The following SETD4 variants were observed in gnomAD, a reference collection of about 807,000 sequenced individuals.
SETD4 encodes the protein SET domain-containing protein 4.
Under a neutral mutation model 58.3 loss-of-function variants are expected in SETD4, and 46 were observed. The observed-to-expected ratio is 0.79, with a 90% CI of 0.62 to 1.01. The LOEUF (loss-of-function observed/expected upper bound fraction) is 1.01. SETD4 is among the 50% of genes least tolerant of loss of function. The probability of loss-of-function intolerance (pLI) is 0.00; values close to 1 mark genes in which losing one functional copy is unlikely to be tolerated. For synonymous variants in SETD4, 190 were observed against 202.6 expected, an observed-to-expected ratio of 0.94 and a Z score of 0.53; for missense variants, 490 against 523.3, an observed-to-expected ratio of 0.94 and a Z score of 0.62.
At chr21:36,048,067 G>GGGAGGGAAGGAGGGAA (rs1360025666) in intron 5 of SETD4, among the ~76,000 whole-genome samples, 71 of 144,842 alleles carry the variant, frequency 4.9e-4, no homozygotes, top group African/African-American at 1.8e-3. Context: ...GAGGGAGGGA[G>GGGAGGGAAGGAGGGAA]GGAGGGAAGG....
At position 36,053,501 on chromosome 21, in the gene SETD4, T is replaced by A. The variant is rs1242815952; in HGVS notation, c.207+82A>T. 3 of 1,407,650 alleles carry A rather than the reference T, an allele frequency of 2.1e-6. No individual in the cohort carries two copies. In the Admixed American group the frequency reaches 5.1e-5, roughly 24 times the overall value. The allele number at this position is 1,407,650 out of a possible 1,614,324, so 87.2% of individuals were successfully genotyped here. A position where few individuals can be genotyped will look rare whatever the true frequency, so the allele number is the denominator to read the frequency against. ...AAGAAATGACTGTATGTCTGAAATT[T>A]TTTTAATTCACTTCGTTTGAACCGC... On this transcript the variant is annotated intron_variant, in intron 4 of 11. Transcript: ENST00000332131.
In SETD4 at chr21:36,043,929, G is replaced by C. The variant is rs933495528; in HGVS notation, c.754C>G (p.His252Asp). 3.1e-6 allele frequency: 5 copies of C among 1,614,156 alleles called. No individual in the cohort carries two copies. The highest frequency in any genetic ancestry group is 3.3e-5 in the Admixed American group (2 of 60,010). Residue 252 changes from histidine to aspartate, a missense_variant, in exon 7 of 12, where the codon CAT becomes GAT. His to Asp is a moderately conservative substitution (Grantham distance 81). Coordinates refer to ENST00000332131, the MANE Select transcript of SETD4 (RefSeq NM_017438.5). ...GAAGTCGTTCTAATTTCGTAAGAAT[G>C]AGTTTCTTCATTAAACGCTGCTTTT... is the stretch of plus-strand genomic sequence containing the variant. Reference protein sequence around the residue: ...QVKAAFNEETHSYEIRTTSRW... With the variant: ...QVKAAFNEETDSYEIRTTSRW...
chr21:36,057,722 G>C (rs775421070), intron 2 of SETD4, among the ~76,000 whole-genome samples: 3 of 152,168 alleles, frequency 2.0e-5, no homozygotes, highest in Non-Finnish European at 4.4e-5. Context: ...TAAAGCTACA[G>C]TAATCAAATT....
intron 5 of SETD4, 72 bp from the exon 6 acceptor site, chr21:36,046,083 T>G: frequency 6.6e-7 from 1 of 1,517,668 alleles, no homozygotes; most frequent in Non-Finnish European, 8.9e-7. Context: ...GCAGTTTGTT[T>G]TGCTGCCAGA....
At chr21:36,042,712 A>G (rs2123568783) in intron 7 of SETD4, 1 of 152,222 alleles carries the variant, frequency 6.6e-6, no homozygotes, top group African/African-American at 2.4e-5. Context: ...GCTTCTCTAC[A>G]GTTTCAGAAA....
intron 3 of SETD4, among the ~76,000 whole-genome samples, chr21:36,054,693 T>A (rs78855605): frequency 7.2e-6 from 1 of 138,110 alleles, no homozygotes; most frequent in Non-Finnish European, 1.6e-5. Flanking sequence ...CCTCCATCGG[T>A]TTCCTGGCAG....
intron 9 of SETD4, 99 bp from the exon 10 acceptor site, chr21:36,038,372 A>G: frequency 7.1e-7 from 1 of 1,413,814 alleles, no homozygotes; most frequent in Non-Finnish European, 9.6e-7. Flanking sequence ...CTATTTCTCC[A>G]GGAGCATAAT....
intron 6 of SETD4, among the ~76,000 whole-genome samples, chr21:36,045,252 T>C (rs79751907): frequency 0.025 from 3,869 of 152,204 alleles, 73 homozygotes; most frequent in African/African-American, 0.053. Context: ...GAAAGCAAGC[T>C]AAGCTTCAGT....
In SETD4 at chr21:36,052,426, A is replaced by C. The variant is rs189091848; in HGVS notation, c.207+1157T>G. ...AAAAAAATTAGCTGGGCATGGTGGC[A>C]CATGCCTGTAATTTCAGCTACTTCA... On this transcript the variant is annotated intron_variant, in intron 4 of 11. Transcript: ENST00000332131. Among the ~76,000 whole-genome samples, 452 of 151,356 alleles carry C rather than the reference A, an allele frequency of 3.0e-3. 2 individuals carry two copies. The highest frequency in any genetic ancestry group is 0.01 in the African/African-American group (426 of 41,318).
At chr21:36,058,539 C>T (rs1157487220) in intron 2 of SETD4, among the ~76,000 whole-genome samples, 1 of 150,174 alleles carries the variant, frequency 6.7e-6, no homozygotes, top group Non-Finnish European at 1.5e-5. Context: ...TCTCTTTGAA[C>T]ACTGTGTGCC....
intron 3 of SETD4, among the ~76,000 whole-genome samples, chr21:36,055,508 AAG>A (rs1401962790): frequency 6.6e-6 from 1 of 152,172 alleles, no homozygotes; most frequent in Non-Finnish European, 1.5e-5. Flanking sequence ...GGCAGAAAAG[AAG>A]AGAGAGTCTA....
At chr21:36,050,961 G>C in intron 4 of SETD4, 1 of 1,608,932 alleles carries the variant, frequency 6.2e-7, no homozygotes, top group Non-Finnish European at 8.5e-7. Context: ...GAAGCAGCTA[G>C]CTATCCAGGT....
rs565238764 is a variant in SETD4 at position 36,057,135 on chromosome 21, G to A, written c.143C>T (p.Ser48Leu). 130 of 1,614,140 alleles carry A rather than the reference G, an allele frequency of 8.1e-5. 1 individual carries two copies. The South Asian group carries it at 1.4e-3, about 17-fold the overall frequency. Reference protein sequence around the residue: ...KWLKARKFQDSNLAPACFPGT... With the variant: ...KWLKARKFQDLNLAPACFPGT... ...TGGAAAACAAGCAGGCGCTAAGTTT[G>A]AATCTTGAAACTTCCTAGCTTTCAG... Residue 48 changes from serine (S) to leucine (L), a missense_variant, in exon 3 of 12, where the codon TCA (serine) becomes TTA (leucine). Ser to Leu is a moderately radical substitution (Grantham distance 145, BLOSUM62 -2). Transcript: ENST00000332131.
intron 2 of SETD4, 86 bp downstream of exon 2, chr21:36,058,730 G>A: frequency 7.0e-7 from 1 of 1,425,820 alleles, no homozygotes; most frequent in South Asian, 1.4e-5. Flanking sequence ...AAAAAAGAAA[G>A]AAAGAAAGAA....
At chr21:36,051,643 T>A (rs1378728257) in intron 4 of SETD4, among the ~76,000 whole-genome samples, 1 of 152,174 alleles carries the variant, frequency 6.6e-6, no homozygotes, top group Non-Finnish European at 1.5e-5. Flanking sequence ...TGCTAAAAAA[T>A]TTGTATGCTC....
intron 1 of SETD4, chr21:36,059,695 A>G: frequency 1.0e-6 from 1 of 953,254 alleles, no homozygotes; most frequent in Non-Finnish European, 1.2e-6. Context: ...CACAAAAAAT[A>G]AATTAAAAAA....
chr21:36,048,356 A>AGCAGGCAACTC lies in SETD4; in HGVS notation c.237_247dup (p.Leu83ArgfsTer10). The AGCAGGCAACTC allele has an allele frequency of 6.2e-7, 1 of 1,614,116 alleles. No homozygotes were observed. Among genetic ancestry groups the AGCAGGCAACTC allele is most frequent in the South Asian group, 1.1e-5 (1 of 91,082 alleles). On this transcript the variant is annotated frameshift_variant, in exon 5 of 12. Transcript: ENST00000332131. LOFTEE classifies it high-confidence loss of function. Reference sequence around the variant, plus strand: ...GCTTCGAATCACTGTGTCCGTGGTGAGCAGGCAACTCTCAGGCAACGAAAT... The same window carrying AGCAGGCAACTC: ...GCTTCGAATCACTGTGTCCGTGGTGAGCAGGCAACTCGCAGGCAACTCTCAGGCAACGAAAT...
At position 36,045,715 on chromosome 21, in the gene SETD4, A is replaced by G. The variant is rs2123619429; in HGVS notation, c.593T>C (p.Leu198Pro). 1.2e-6 allele frequency: 2 copies of G among 1,614,218 alleles called. No individual in the cohort carries two copies. Among genetic ancestry groups the G allele is most frequent in the Non-Finnish European group, 8.5e-7 (1 of 1,180,038 alleles). ...GGTGTTGACGGTGCACCAAGCCCAC[A>G]GCAGGGCACTGTAGCTGAAGATGCT... ...VDSIFSYSALLWAWCTVNTRA... is the reference protein window; with the variant it reads ...VDSIFSYSALPWAWCTVNTRA... The change falls in exon 6 of 12, where the codon CTG (leucine) becomes CCG (proline). Residue 198 changes from leucine (L) to proline (P), a missense_variant. Coordinates refer to ENST00000332131, the MANE Select transcript of SETD4 (RefSeq NM_017438.5).
intron 4 of SETD4, among the ~76,000 whole-genome samples, chr21:36,048,770 T>A (rs914353824): frequency 1.4e-5 from 2 of 144,598 alleles, no homozygotes; most frequent in African/African-American, 2.6e-5. Context: ...CAGGCTAGAG[T>A]GCAATGGCGT....
Sources: gnomAD v4.1 joint callset for allele counts (sites outside exome capture counted in the v4.1 genomes callset) on GRCh38, gnomAD v4.1.1 for gene constraint, MANE v1.5 for transcripts, NCBI Gene and HGNC (gene_info 2026-07-23, HGNC 2026-07-21) for gene names.